The following KRCC1 variants were observed in gnomAD, a reference collection of about 807,000 sequenced individuals.
KRCC1 encodes lysine-rich coiled-coil protein 1.
Under a neutral mutation model 7.4 loss-of-function variants are expected in KRCC1, and 3 were observed. The ratio of observed to expected loss-of-function variants is 0.40; its 90% confidence interval spans 0.18 to 1.04. KRCC1 has a LOEUF of 1.04. KRCC1 is among the 50% of genes least tolerant of loss of function. The pLI, the probability that KRCC1 is intolerant of heterozygous loss-of-function variation, is 0.33. For synonymous variants in KRCC1, 102 were observed against 101.6 expected (o/e 1.00, Z -0.02); for missense variants, 277 against 300.9 (o/e 0.92, Z 0.59).
intron 1 of KRCC1, among the ~76,000 whole-genome samples, chr2:88,054,028 C>A (rs1305334982): frequency 6.6e-6 from 1 of 152,228 alleles, no homozygotes; most frequent in Non-Finnish European, 1.5e-5. Context: ...CAACTAAAAT[C>A]ATTCCCAAAA....
intron 1 of KRCC1, among the ~76,000 whole-genome samples, chr2:88,037,603 T>C (rs1673118579): frequency 6.6e-6 from 1 of 152,212 alleles, no homozygotes; most frequent in African/African-American, 2.4e-5. Context: ...GAGATGGGGT[T>C]TCGCCATGTT....
chr2:88,045,162 A>G lies in KRCC1; in HGVS notation c.-290-8111T>C, dbSNP rs564037886. ...TTACAGGTGTGAGCCACTGTAAAAAATTATCAGCCACCCAGCTTAATTTTT... is the reference window on the plus strand; with the variant it reads ...TTACAGGTGTGAGCCACTGTAAAAAGTTATCAGCCACCCAGCTTAATTTTT... On this transcript the variant is annotated intron_variant, in intron 1 of 3. Transcript: ENST00000347055. Among the ~76,000 whole-genome samples the G allele has an allele frequency of 1.5e-3, 230 of 152,180 alleles. 1 individual carries two copies. Among genetic ancestry groups the G allele is most frequent in the African/African-American group, 5.4e-3 (224 of 41,512 alleles).
Position 88,035,074 on chromosome 2 carries a change from G to A in KRCC1, c.-181-782C>T, listed in dbSNP as rs931924120. 3.9e-5 allele frequency among the ~76,000 whole-genome samples: 6 copies of A among 152,160 alleles called. 1 individual carries two copies. In the South Asian group the frequency reaches 1.0e-3, roughly 26 times the overall value. Reference sequence around the variant, plus strand: ...AGAACTATAAATTGAAAAAGCACTTGTGAGTTTTAATATATTTGGTCTGAA... The same window carrying A: ...AGAACTATAAATTGAAAAAGCACTTATGAGTTTTAATATATTTGGTCTGAA... On this transcript the variant is annotated intron_variant, in intron 2 of 3. Coordinates refer to ENST00000347055, the MANE Select transcript of KRCC1 (RefSeq NM_016618.3).
At chr2:88,040,836 G>C (rs1673195955) in intron 1 of KRCC1, among the ~76,000 whole-genome samples, 1 of 152,020 alleles carries the variant, frequency 6.6e-6, no homozygotes, top group Non-Finnish European at 1.5e-5. Context: ...AGGGGTTTGT[G>C]GTAAAGAATA....
chr2:88,050,759 CAAATA>C (rs1673459747), intron 1 of KRCC1, among the ~76,000 whole-genome samples: 1 of 152,054 alleles, frequency 6.6e-6, no homozygotes, highest in African/African-American at 2.4e-5. Flanking sequence ...GAAACTTCAC[CAAATA>C]AATTACAAAG....
chr2:88,050,819 T>C (rs548229070), intron 1 of KRCC1, among the ~76,000 whole-genome samples: 3 of 152,154 alleles, frequency 2.0e-5, no homozygotes, highest in African/African-American at 7.2e-5. Flanking sequence ...TCTAAGTATG[T>C]CTATTTCTTT....
intron 2 of KRCC1, among the ~76,000 whole-genome samples, chr2:88,036,351 G>A (rs1250367251): frequency 6.6e-6 from 1 of 152,128 alleles, no homozygotes; most frequent in Non-Finnish European, 1.5e-5. Flanking sequence ...CCATATAAAA[G>A]GAAGTAACAC....
intron 3 of KRCC1, among the ~76,000 whole-genome samples, chr2:88,032,151 TA>T (rs1673006523): frequency 6.6e-6 from 1 of 151,810 alleles, no homozygotes; most frequent in Admixed American, 6.6e-5. Context: ...CAAAATTAAT[TA>T]ATTAATTAAT....
At chr2:88,045,722 C>T (rs964414999) in intron 1 of KRCC1, among the ~76,000 whole-genome samples, 1 of 151,742 alleles carries the variant, frequency 6.6e-6, no homozygotes, top group Non-Finnish European at 1.5e-5. Context: ...CTCACTCTGT[C>T]GCTCAGGCTG....
Position 88,028,598 on chromosome 2 carries a change from G to C in KRCC1, c.-22-13C>G. On this transcript the variant is annotated splice_polypyrimidine_tract_variant and intron_variant, in intron 3 of 3. Transcript: ENST00000347055. ...AAAACGGGATTTTCTGCAAAAAAGGGAGAAAATTCTTACCAGATCATCTTG... is the reference window on the plus strand; with the variant it reads ...AAAACGGGATTTTCTGCAAAAAAGGCAGAAAATTCTTACCAGATCATCTTG... The C allele has an allele frequency of 1.4e-6, 2 of 1,467,882 alleles. No individual in the cohort carries two copies. Among genetic ancestry groups the C allele is most frequent in the South Asian group, 2.4e-5 (2 of 82,428 alleles). 90.9% of individuals were successfully genotyped at this position (1,467,882 alleles called of 1,614,324 possible). A position where few individuals can be genotyped will look rare whatever the true frequency, so the allele number is the denominator to read the frequency against.
chr2:88,052,826 C>T (rs927039002), intron 1 of KRCC1, among the ~76,000 whole-genome samples: 1 of 152,148 alleles, frequency 6.6e-6, no homozygotes. Flanking sequence ...CCTTTCATTG[C>T]GTGAAATGAC....
At chr2:88,048,969 C>T (rs1429402570) in intron 1 of KRCC1, among the ~76,000 whole-genome samples, 1 of 152,190 alleles carries the variant, frequency 6.6e-6, no homozygotes, top group Non-Finnish European at 1.5e-5. Context: ...TACCTGTCAA[C>T]AGCATGAATA....
intron 3 of KRCC1, among the ~76,000 whole-genome samples, chr2:88,032,386 C>T (rs1292415592): frequency 1.3e-5 from 2 of 152,080 alleles, no homozygotes; most frequent in East Asian, 1.9e-4. Flanking sequence ...TACACAAACA[C>T]TTACTGTTGT....
intron 3 of KRCC1, 59 bp from the exon 4 acceptor site, chr2:88,028,644 CTTTTT>C (rs35917852): frequency 8.5e-5 from 43 of 503,318 alleles, no homozygotes; most frequent in Non-Finnish European, 1.1e-4. Context: ...TTCCTTTGCT[CTTTTT>C]TTTTTTTTTT....
intron 3 of KRCC1, among the ~76,000 whole-genome samples, chr2:88,029,312 C>G (rs1672947763): frequency 6.6e-6 from 1 of 152,130 alleles, no homozygotes; most frequent in Admixed American, 6.5e-5. Context: ...ACCACAGATA[C>G]AGAATTTGAT....
intron 1 of KRCC1, among the ~76,000 whole-genome samples, chr2:88,042,927 G>C (rs1396362616): frequency 6.6e-6 from 1 of 151,978 alleles, no homozygotes; most frequent in Admixed American, 6.5e-5. Flanking sequence ...GCAATCTATG[G>C]GTTTAATTAG....
chr2:88,042,717 C>A (rs1169222642), intron 1 of KRCC1, among the ~76,000 whole-genome samples: 1 of 152,198 alleles, frequency 6.6e-6, no homozygotes, highest in Non-Finnish European at 1.5e-5. Context: ...ACCGCAGCCA[C>A]CTGAGAATTT....
intron 1 of KRCC1, among the ~76,000 whole-genome samples, chr2:88,052,565 C>T (rs1245316684): frequency 8.2e-6 from 1 of 121,916 alleles, no homozygotes; most frequent in Admixed American, 8.1e-5. Flanking sequence ...GGTTTCAGCC[C>T]TTTGGGCAAC....
intron 2 of KRCC1, among the ~76,000 whole-genome samples, chr2:88,034,701 C>T (rs1037180835): frequency 6.6e-6 from 1 of 152,114 alleles, no homozygotes; most frequent in Non-Finnish European, 1.5e-5. Flanking sequence ...TTTGAATATA[C>T]ATGAACTATA....
Sources: allele counts gnomAD v4.1 joint callset (sites outside exome capture counted in the v4.1 genomes callset), GRCh38; gene constraint gnomAD v4.1.1; transcripts MANE v1.5; gene names NCBI Gene and HGNC (gene_info 2026-07-23, HGNC 2026-07-21).